Variants in RERE observed in about 807,000 individuals in gnomAD.
RERE encodes the protein arginine-glutamic acid dipeptide repeats.
In RERE, 40 loss-of-function variants were observed where a neutral mutation model predicts 146.1. That is an observed-to-expected ratio of 0.27 (90% CI 0.21 to 0.36). The LOEUF (loss-of-function observed/expected upper bound fraction) is 0.36, where lower values mean the gene tolerates loss of function less well. RERE is among the 10% of genes least tolerant of loss of function. RERE has a pLI of 1.00. For synonymous variants in RERE, 1,003 were observed against 866.0 expected, an observed-to-expected ratio of 1.16 and a Z score of -2.78; for missense variants, 1,933 against 2,138.7, an observed-to-expected ratio of 0.90 and a Z score of 1.90.
chr1:8,644,832 A>C (rs1647246992), intron 2 of RERE, among the ~76,000 whole-genome samples: 1 of 152,198 alleles, frequency 6.6e-6, no homozygotes, highest in Admixed American at 6.5e-5. Flanking sequence ...AGCTATAAAT[A>C]ATTTTAGGAG....
intron 1 of RERE, among the ~76,000 whole-genome samples, chr1:8,810,355 C>T (rs1403927161): frequency 1.3e-5 from 2 of 152,122 alleles, no homozygotes; most frequent in African/African-American, 2.4e-5. Flanking sequence ...CCTGTAATCC[C>T]AACACTTTGG....
intron 1 of RERE, among the ~76,000 whole-genome samples, chr1:8,665,050 C>T (rs1013270761): frequency 6.6e-6 from 1 of 152,092 alleles, no homozygotes; most frequent in African/African-American, 2.4e-5. Context: ...CAGTCTACAC[C>T]CAGCCACACT....
intron 2 of RERE, among the ~76,000 whole-genome samples, chr1:8,652,666 C>A (rs116594764): frequency 6.6e-6 from 1 of 152,086 alleles, no homozygotes; most frequent in Non-Finnish European, 1.5e-5. Flanking sequence ...GGTGGAAAGG[C>A]CCCTTATAAA....
chr1:8,552,310 T>C (rs1645944944), intron 6 of RERE, among the ~76,000 whole-genome samples: 1 of 152,226 alleles, frequency 6.6e-6, no homozygotes, highest in African/African-American at 2.4e-5. Flanking sequence ...GTGAATGGAA[T>C]GGCAAGAGCC....
intron 7 of RERE, among the ~76,000 whole-genome samples, chr1:8,520,880 A>G (rs180710966): frequency 1.3e-5 from 2 of 151,950 alleles, no homozygotes; most frequent in African/African-American, 4.8e-5. Context: ...ATCAAACTGT[A>G]TAACAAAGCT....
At chr1:8,756,240 A>G (rs561630461) in intron 1 of RERE, among the ~76,000 whole-genome samples, 1 of 152,246 alleles carries the variant, frequency 6.6e-6, no homozygotes, top group Non-Finnish European at 1.5e-5. Flanking sequence ...ACTAATTCAC[A>G]AAACAATTAG....
chr1:8,760,408 A>T (rs909446273), intron 1 of RERE, among the ~76,000 whole-genome samples: 1 of 152,240 alleles, frequency 6.6e-6, no homozygotes, highest in Non-Finnish European at 1.5e-5. Flanking sequence ...GCCTTAGATA[A>T]GATGCCAAAA....
chr1:8,404,733 G>A (rs1010752521), intron 12 of RERE, among the ~76,000 whole-genome samples: 1 of 152,168 alleles, frequency 6.6e-6, no homozygotes, highest in Non-Finnish European at 1.5e-5. Context: ...CAGCAGGGTC[G>A]ACAACCCATA....
chr1:8,357,169 CA>C (rs1218943386), intron 20 of RERE, among the ~76,000 whole-genome samples: 3 of 152,222 alleles, frequency 2.0e-5, no homozygotes, highest in African/African-American at 7.2e-5. Flanking sequence ...TAAATGTGGA[CA>C]GGGGTTCTGC....
intron 10 of RERE, among the ~76,000 whole-genome samples, chr1:8,484,625 G>A (rs763754741): frequency 9.2e-5 from 14 of 152,026 alleles, no homozygotes; most frequent in Non-Finnish European, 1.9e-4. Context: ...GTTTCACTAT[G>A]TTAGCCAGGC....
intron 4 of RERE, among the ~76,000 whole-genome samples, chr1:8,558,303 T>C (rs989050602): frequency 6.6e-6 from 1 of 152,230 alleles, no homozygotes; most frequent in Non-Finnish European, 1.5e-5. Context: ...GGATCAAATA[T>C]TGCCCTTCCA....
intron 1 of RERE, among the ~76,000 whole-genome samples, chr1:8,794,528 T>C (rs1569812701): frequency 1.3e-5 from 2 of 152,156 alleles, no homozygotes; most frequent in East Asian, 3.9e-4. Context: ...TTTGATGCCA[T>C]TCCCATTGTA....
chr1:8,530,679 CTTTTTTTTTT>C (rs1197212764), intron 7 of RERE, among the ~76,000 whole-genome samples: 33 of 96,938 alleles, frequency 3.4e-4, no homozygotes, highest in East Asian at 1.2e-3. Context: ...TTTTCGTTTT[CTTTTTTTTTT>C]TTTTTTTTTT....
intron 4 of RERE, among the ~76,000 whole-genome samples, chr1:8,601,796 C>A (rs1056792051): frequency 2.6e-5 from 4 of 151,790 alleles, no homozygotes; most frequent in Non-Finnish European, 5.9e-5. Flanking sequence ...CACAGACACA[C>A]ATCTTCTATT....
intron 3 of RERE, among the ~76,000 whole-genome samples, chr1:8,615,730 A>T (rs1250808198): frequency 1.3e-5 from 2 of 152,112 alleles, no homozygotes; most frequent in African/African-American, 4.8e-5. Flanking sequence ...GTAAACAAAG[A>T]TTTTAATATA....
At chr1:8,496,144 C>T (rs1196601615) in intron 9 of RERE, among the ~76,000 whole-genome samples, 1 of 138,900 alleles carries the variant, frequency 7.2e-6, no homozygotes, top group Non-Finnish European at 1.5e-5. Context: ...GTGTGAGACC[C>T]TGTCTTAAAA....
intron 12 of RERE, among the ~76,000 whole-genome samples, chr1:8,406,150 C>T (rs978761860): frequency 1.3e-5 from 2 of 151,840 alleles, no homozygotes; most frequent in Non-Finnish European, 2.9e-5. Flanking sequence ...CAGGCTGGAG[C>T]GCAGTGGTGT....
At chr1:8,481,939 G>A (rs1345919164) in intron 10 of RERE, among the ~76,000 whole-genome samples, 1 of 152,172 alleles carries the variant, frequency 6.6e-6, no homozygotes, top group Admixed American at 6.5e-5. Context: ...CAGACCTGAG[G>A]AGTGTTGCTT....
At chr1:8,553,239 C>T (rs1645960207) in intron 6 of RERE, among the ~76,000 whole-genome samples, 1 of 151,890 alleles carries the variant, frequency 6.6e-6, no homozygotes. Context: ...AGCATGTCCA[C>T]ATGCATATGA....
Sources: allele counts gnomAD v4.1 joint callset (sites outside exome capture counted in the v4.1 genomes callset), GRCh38; gene constraint gnomAD v4.1.1; transcripts MANE v1.5; gene names NCBI Gene and HGNC (gene_info 2026-07-23, HGNC 2026-07-21).